VILL: variants seen among roughly 807,000 people sequenced by gnomAD.
The protein encoded by VILL is villin-like protein.
A neutral mutation model predicts 106.3 loss-of-function variants in VILL; 102 were observed. The ratio of observed to expected loss-of-function variants is 0.96; its 90% CI spans 0.82 to 1.13. The LOEUF is 1.13. VILL is among the 50% of genes most tolerant of loss of function. The pLI is 0.00. For synonymous variants in VILL, 431 were observed against 440.3 expected, an observed-to-expected ratio of 0.98 and a Z score of 0.27; for missense variants, 1,076 against 1,116.6, an observed-to-expected ratio of 0.96 and a Z score of 0.52.
In VILL at chr3:38,006,970, A is replaced by T. The variant is rs1054919734; in HGVS notation, c.2486A>T (p.Asp829Val). 2.5e-6 allele frequency: 4 copies of T among 1,614,070 alleles called. No individual in the cohort carries two copies. Among genetic ancestry groups the T allele is most frequent in the Middle Eastern group, 1.6e-4 (1 of 6,062 alleles). ...TATCTCTCAGACTCTGACTTCCAAGATATCTTTGGGAAATCCAAGGAGGAA... is the reference window on the plus strand; with the variant it reads ...TATCTCTCAGACTCTGACTTCCAAGTTATCTTTGGGAAATCCAAGGAGGAA... ...EFYLSDSDFQ[D>V]IFGKSKEEFY... is the part of the protein sequence containing the mutation. Residue 829 changes from aspartate to valine, a missense_variant, in exon 20 of 20, where the codon GAT becomes GTT. By Grantham distance (152) the Asp-to-Val change is radical. Transcript: ENST00000383759.
intron 11 of VILL, among the ~76,000 whole-genome samples, chr3:38,000,113 C>T (rs570293464): frequency 6.6e-6 from 1 of 152,238 alleles, no homozygotes; most frequent in Non-Finnish European, 1.5e-5. Context: ...AAACTGTGGT[C>T]CCATCTGGCC....
chr3:38,003,418 A>G (rs80290623), intron 15 of VILL, 105 bp downstream of exon 15: 26,735 of 1,375,996 alleles, frequency 0.019, 313 homozygotes, highest in African/African-American at 0.026. Flanking sequence ...AGACGAGACT[A>G]GAACCAAGGA....
At chr3:37,993,809 C>G in intron 2 of VILL, 77 bp downstream of exon 2, 1 of 1,607,088 alleles carries the variant, frequency 6.2e-7, no homozygotes. Flanking sequence ...TCTCCCGCCC[C>G]CAACTCAGAG....
At position 38,001,740 on chromosome 3, in the gene VILL, C is replaced by G. The variant is rs141356356; in HGVS notation, c.1359C>G (p.Asn453Lys). Reference protein sequence around the residue: ...QATADEIEALNSNAEELDVMY... With the variant: ...QATADEIEALKSNAEELDVMY... ...CTGCGGATGAGATTGAGGCCCTGAA[C>G]AGCAACGCTGAGGAACTAGATGTCA... is the stretch of plus-strand genomic sequence containing the variant. Residue 453 changes from asparagine (N) to lysine (K), a missense_variant, in exon 13 of 20, where the codon AAC becomes AAG. Transcript: ENST00000383759. The G allele has an allele frequency of 7.0e-4, 1,128 of 1,614,146 alleles. 1 individual carries two copies. The highest frequency in any genetic ancestry group is 9.2e-4 in the Non-Finnish European group (1,084 of 1,180,042).
intron 5 of VILL, 137 bp from the exon 6 acceptor site, chr3:37,996,940 G>A (rs1699712565): frequency 2.8e-6 from 2 of 704,902 alleles, no homozygotes; most frequent in Non-Finnish European, 2.5e-6. Context: ...GTGGAATGCA[G>A]CATTATCTAC....
Position 37,997,713 on chromosome 3 carries a change from G to T in VILL, c.764+28G>T. 1 of 1,536,596 alleles carries T rather than the reference G, an allele frequency of 6.5e-7. No individual in the cohort carries two copies. On this transcript the variant is annotated intron_variant, in intron 7 of 19. Coordinates refer to ENST00000383759, the MANE Select transcript of VILL (RefSeq NM_015873.4). The surrounding 1 kb of genome is among the most constrained non-coding windows in gnomAD (Gnocchi z 4.7). ...GAGTACCCCTGGGGTGGGCAGGGGT[G>T]GGTGGGACAGTCCAGGACTCTGTGT...
Position 37,997,362 on chromosome 3 carries a change from A to G in VILL, c.562-121A>G. 2 of 1,220,178 alleles carry G rather than the reference A, an allele frequency of 1.6e-6. No homozygotes were observed. 75.6% of individuals were successfully genotyped at this position (1,220,178 alleles called of 1,614,324 possible). ...CATTGTTGGTGTCCCCCTGGATGCC[A>G]GGATGAGGGGACATCAGCCCTTCTC... On this transcript the variant is annotated intron_variant, in intron 6 of 19. Transcript: ENST00000383759. The surrounding 1 kb of genome is among the most constrained non-coding windows in gnomAD (Gnocchi z 4.7).
intron 1 of VILL, among the ~76,000 whole-genome samples, chr3:37,991,446 G>T (rs936079027): frequency 2.6e-5 from 4 of 151,460 alleles, no homozygotes; most frequent in Non-Finnish European, 5.9e-5. Context: ...AAAGGAGGAG[G>T]TGCCTGGGGA....
At chr3:38,006,140 T>C in intron 17 of VILL, 41 bp from the exon 18 acceptor site, 2 of 1,613,828 alleles carry the variant, frequency 1.2e-6, no homozygotes. Flanking sequence ...TGCCCCCTTC[T>C]CCTGCCCTGG....
chr3:38,003,508 A>G, intron 15 of VILL, 195 bp downstream of exon 15: 1 of 483,110 alleles, frequency 2.1e-6, no homozygotes, highest in South Asian at 3.1e-5. Flanking sequence ...TGCGTCTCTC[A>G]GATGCTGGGG....
intron 13 of VILL, 117 bp downstream of exon 13, chr3:38,001,977 G>C (rs1575338578): frequency 2.7e-6 from 4 of 1,502,466 alleles, no homozygotes; most frequent in Admixed American, 1.9e-5. Context: ...TCATCCCCTA[G>C]TTTCCCAGAG....
intron 2 of VILL, 35 bp from the exon 3 acceptor site, chr3:37,993,863 C>T: frequency 6.2e-7 from 1 of 1,613,422 alleles, no homozygotes; most frequent in African/African-American, 1.3e-5. Flanking sequence ...GGGTAGAGGC[C>T]TCCTGAGTTG....
rs1283203386 is a variant in VILL, at chr3:38,001,849, G to A, written c.1468G>A (p.Val490Met). Residue 490 changes from valine to methionine, a missense_variant, in exon 13 of 20, where the codon GTG becomes ATG. Val to Met is a conservative substitution (Grantham distance 21, BLOSUM62 1). Transcript: ENST00000383759. ...HFLAIFQGQL[V>M]IFQERAGHHG... is the part of the protein sequence containing the mutation. ...CCTCGCCATCTTCCAGGGCCAGCTG[G>A]TGATCTTCCAGGTAGGTCTCACCTT... 6.2e-7 allele frequency: 1 copy of A among 1,614,246 alleles called. No individual in the cohort carries two copies. Among genetic ancestry groups the A allele is most frequent in the Non-Finnish European group, 8.5e-7 (1 of 1,180,032 alleles).
At chr3:38,002,243 T>A (rs191858406) in intron 13 of VILL, 153 bp from the exon 14 acceptor site, 7 of 698,874 alleles carry the variant, frequency 1.0e-5, no homozygotes, top group Admixed American at 2.9e-5. Context: ...ACTCCACACT[T>A]AGAGGGTCCT....
rs2125532862 is a variant in VILL at position 37,998,153 on chromosome 3, C to T, written c.828C>T (p.Asp276=). The stretch of plus-strand genomic sequence containing the variant: ...TGGCGACCCCCCCACTGACCCAGGA[C>T]CTGCTGCAGGAGGAGGTGAGGAAGG... ...LELATPPLTQ[D]LLQEEDFYIL... The change falls in exon 8 of 20, where the codon GAC becomes GAT. Residue 276 remains aspartate (D), a synonymous_variant. Transcript: ENST00000383759. The surrounding 1 kb of genome is among the most constrained non-coding windows in gnomAD (Gnocchi z 4.1). 1.9e-6 allele frequency: 3 copies of T among 1,613,986 alleles called. No homozygotes were observed. The highest frequency in any genetic ancestry group is 2.5e-6 in the Non-Finnish European group (3 of 1,179,968).
chr3:38,005,848 C>T lies in VILL; in HGVS notation c.2007C>T (p.Gly669=). 6.2e-7 allele frequency: 1 copy of T among 1,613,858 alleles called. No homozygotes were observed. The highest frequency in any genetic ancestry group is 8.5e-7 in the Non-Finnish European group (1 of 1,179,922). The change falls in exon 17 of 20, where the codon GGC becomes GGT. Residue 669 remains glycine, a synonymous_variant. Transcript: ENST00000383759. Reference sequence around the variant, plus strand: ...AGTGGAAGGAGGCGGTGGCCTGGGGCCAGGAGTACCTGAAGACTCACCCAG... The same window carrying T: ...AGTGGAAGGAGGCGGTGGCCTGGGGTCAGGAGTACCTGAAGACTCACCCAG... ...ASEWKEAVAW[G]QEYLKTHPAG... is the part of the protein sequence containing the mutation.
At position 38,001,876 on chromosome 3, in the gene VILL, C is replaced by T; in HGVS notation, c.1479+16C>T. 6.2e-7 allele frequency: 1 copy of T among 1,614,048 alleles called. No homozygotes were observed. The highest frequency in any genetic ancestry group is 8.5e-7 in the Non-Finnish European group (1 of 1,180,012). ...GATCTTCCAGGTAGGTCTCACCTTGCCACTCTGGCCACAGCCTGCCCAGTT... is the reference window on the plus strand; with the variant it reads ...GATCTTCCAGGTAGGTCTCACCTTGTCACTCTGGCCACAGCCTGCCCAGTT... On this transcript the variant is annotated intron_variant, in intron 13 of 19. Transcript: ENST00000383759.
Position 37,994,345 on chromosome 3 carries a change from G to A in VILL, c.220G>A (p.Gly74Ser). The A allele has an allele frequency of 1.2e-6, 2 of 1,611,504 alleles. No homozygotes were observed. Among genetic ancestry groups the A allele is most frequent in the Non-Finnish European group, 1.7e-6 (2 of 1,179,650 alleles). The part of the protein sequence containing the change: ...VGKQAGAEAQ[G>S]AAEAFQQRLQ... ...GAAGCAGGCGGGTGCGGAAGCGCAGGGCGCTGCGGAGGCCTTCCAGCAGCG... is the reference window on the plus strand; with the variant it reads ...GAAGCAGGCGGGTGCGGAAGCGCAGAGCGCTGCGGAGGCCTTCCAGCAGCG... Residue 74 changes from glycine (G) to serine (S), a missense_variant, in exon 4 of 20, where the codon GGC becomes AGC. By Grantham distance (56) the Gly-to-Ser change is moderately conservative. Coordinates refer to ENST00000383759, the MANE Select transcript of VILL (RefSeq NM_015873.4).
At position 38,007,127 on chromosome 3, in the gene VILL, C is replaced by T; in HGVS notation, c.*72C>T. On this transcript the variant is annotated 3_prime_UTR_variant, in exon 20 of 20. Transcript: ENST00000383759. ...TACAATGCTGGGGAGGCCCTGCTTC[C>T]ACTCCCCTCAGAGGCTTTTGGTCAT... is the stretch of plus-strand genomic sequence containing the variant. 7.8e-7 allele frequency: 1 copy of T among 1,280,960 alleles called. No individual in the cohort carries two copies. Among genetic ancestry groups the T allele is most frequent in the Non-Finnish European group, 1.1e-6 (1 of 889,598 alleles). 79.3% of individuals were successfully genotyped at this position (1,280,960 alleles called of 1,614,324 possible).
Sources: gnomAD v4.1 joint callset for allele counts (sites outside exome capture counted in the v4.1 genomes callset) on GRCh38, gnomAD v4.1.1 for gene constraint, Gnocchi (gnomAD v3.1) non-coding constraint, MANE v1.5 for transcripts, NCBI Gene and HGNC (gene_info 2026-07-23, HGNC 2026-07-21) for gene names.